Variants in MTMR7 observed in about 807,000 individuals in gnomAD.
The protein encoded by MTMR7 is myotubularin related protein 7.
MTMR7 carries 76 observed loss-of-function variants against 81.2 expected under a neutral mutation model. The ratio of observed to expected loss-of-function variants is 0.94; its 90% CI spans 0.78 to 1.13. MTMR7 has a LOEUF of 1.13. Among genes scored for constraint, MTMR7 ranks in the 50% most tolerant of loss-of-function variants. MTMR7 has a pLI of 0.00. For missense variants in MTMR7, 1,044 were observed against 820.0 expected (o/e 1.27, Z -3.34); for synonymous variants, 372 against 289.8 (o/e 1.28, Z -2.88).
intron 4 of MTMR7, among the ~76,000 whole-genome samples, chr8:17,351,050 G>A (rs1223243784): frequency 2.0e-5 from 3 of 152,200 alleles, no homozygotes; most frequent in Non-Finnish European, 2.9e-5. Flanking sequence ...AAGTCAGCCA[G>A]CTAGAAGACT....
chr8:17,308,809 A>G (rs978251732), intron 10 of MTMR7, among the ~76,000 whole-genome samples: 8 of 152,190 alleles, frequency 5.3e-5, no homozygotes, highest in Non-Finnish European at 1.0e-4. Flanking sequence ...CTGGAGTTGG[A>G]TATGTCTGGT....
At chr8:17,359,095 C>T (rs1240928455) in intron 4 of MTMR7, among the ~76,000 whole-genome samples, 1 of 151,968 alleles carries the variant, frequency 6.6e-6, no homozygotes, top group African/African-American at 2.4e-5. Context: ...TGGGGTTCTC[C>T]CTATGTTGCC....
chr8:17,303,664 C>T lies in MTMR7; in HGVS notation c.1493+715G>A, dbSNP rs1262932981. Among the ~76,000 whole-genome samples, 4 of 150,140 alleles carry T rather than the reference C, an allele frequency of 2.7e-5. No homozygotes were observed. The South Asian group carries it at 8.4e-4, about 31-fold the overall frequency. On this transcript the variant is annotated intron_variant, in intron 12 of 13. Coordinates refer to ENST00000180173, the MANE Select transcript of MTMR7 (RefSeq NM_004686.5). ...TGCTCTTGTTGCCCAGGCTGGAGTG[C>T]AATGGCACGATCTCGGCTCACCGCA...
intron 1 of MTMR7, among the ~76,000 whole-genome samples, chr8:17,385,418 C>G (rs1352087238): frequency 9.9e-5 from 15 of 152,122 alleles, no homozygotes. Flanking sequence ...GGACTGTTCT[C>G]GTGATAGTGA....
chr8:17,309,873 T>A (rs1052145402), intron 9 of MTMR7, among the ~76,000 whole-genome samples: 1 of 152,172 alleles, frequency 6.6e-6, no homozygotes, highest in African/African-American at 2.4e-5. Context: ...AAAATGATGG[T>A]GTTTGGGGTA....
At chr8:17,314,822 C>A (rs1430854208) in intron 7 of MTMR7, among the ~76,000 whole-genome samples, 4 of 152,224 alleles carry the variant, frequency 2.6e-5, no homozygotes, top group Non-Finnish European at 5.9e-5. Context: ...GGTGAAGGGA[C>A]AGCCCTTTGA....
intron 6 of MTMR7, among the ~76,000 whole-genome samples, chr8:17,335,375 T>C (rs1819204658): frequency 1.3e-5 from 2 of 152,132 alleles, no homozygotes; most frequent in Non-Finnish European, 2.9e-5. Flanking sequence ...GCCAAGACTG[T>C]GAAGAAACAG....
chr8:17,319,268 T>A (rs1362708607), intron 7 of MTMR7, among the ~76,000 whole-genome samples: 2 of 152,160 alleles, frequency 1.3e-5, no homozygotes. Flanking sequence ...TAAAAACACC[T>A]TCCTCAAACA....
intron 1 of MTMR7, among the ~76,000 whole-genome samples, chr8:17,408,057 T>C (rs556208511): frequency 6.6e-6 from 1 of 152,188 alleles, no homozygotes; most frequent in African/African-American, 2.4e-5. Flanking sequence ...TAATGGACCT[T>C]TGTATGAACC....
At chr8:17,387,850 A>AC (rs1342145958) in intron 1 of MTMR7, among the ~76,000 whole-genome samples, 9 of 152,222 alleles carry the variant, frequency 5.9e-5, no homozygotes, top group Non-Finnish European at 5.9e-5. Flanking sequence ...AGGTAAAAAA[A>AC]ATTCTTGATG....
intron 3 of MTMR7, among the ~76,000 whole-genome samples, chr8:17,363,044 G>C (rs1227341738): frequency 1.3e-5 from 2 of 152,220 alleles, no homozygotes; most frequent in Non-Finnish European, 2.9e-5. Flanking sequence ...AAAACTTAGA[G>C]TACGGACTAT....
At chr8:17,319,937 C>A (rs543714070) in intron 7 of MTMR7, among the ~76,000 whole-genome samples, 3 of 152,008 alleles carry the variant, frequency 2.0e-5, no homozygotes, top group Non-Finnish European at 4.4e-5. Flanking sequence ...CATGTGGCTA[C>A]GAAACACTTG....
intron 7 of MTMR7, among the ~76,000 whole-genome samples, chr8:17,321,851 A>C (rs1818403490): frequency 6.6e-6 from 1 of 152,336 alleles, no homozygotes; most frequent in African/African-American, 2.4e-5. Flanking sequence ...ACATATATAA[A>C]CTACAGTAAA....
rs200297751 is a variant in MTMR7 at position 17,333,686 on chromosome 8, C to CA, written c.733-2405dup. Among the ~76,000 whole-genome samples, 544 of 151,994 alleles carry CA rather than the reference C, an allele frequency of 3.6e-3. 2 individuals carry two copies. Among genetic ancestry groups the CA allele is most frequent in the African/African-American group, 0.012 (503 of 41,464 alleles). ...GCAACATGGCAAATCCCCATTTCTACAAAAAAATGCAAAAATTAGCCAGAC... is the reference window on the plus strand; with the variant it reads ...GCAACATGGCAAATCCCCATTTCTACAAAAAAAATGCAAAAATTAGCCAGAC... On this transcript the variant is annotated intron_variant, in intron 6 of 13. Coordinates refer to ENST00000180173, the MANE Select transcript of MTMR7 (RefSeq NM_004686.5).
chr8:17,327,291 C>G (rs1411121241), intron 7 of MTMR7, among the ~76,000 whole-genome samples: 1 of 152,114 alleles, frequency 6.6e-6, no homozygotes, highest in Non-Finnish European at 1.5e-5. Context: ...ATTTTTGAGA[C>G]AGAGCCTAAC....
chr8:17,306,824 A>T (rs1488382588), intron 10 of MTMR7, among the ~76,000 whole-genome samples: 1 of 152,032 alleles, frequency 6.6e-6, no homozygotes, highest in African/African-American at 2.4e-5. Flanking sequence ...AGTGTTACCT[A>T]GGCTAGCCAT....
chr8:17,376,617 T>A (rs1253723327), intron 1 of MTMR7, among the ~76,000 whole-genome samples: 2 of 152,196 alleles, frequency 1.3e-5, no homozygotes, highest in Non-Finnish European at 2.9e-5. Context: ...TCTCTTTTTT[T>A]GATTATAGTC....
chr8:17,315,091 A>G (rs577259331), intron 7 of MTMR7, among the ~76,000 whole-genome samples: 3 of 152,362 alleles, frequency 2.0e-5, no homozygotes, highest in East Asian at 1.9e-4. Context: ...TTAATCATTA[A>G]AAGTTATACA....
At chr8:17,302,018 G>T in intron 13 of MTMR7, 136 bp downstream of exon 13, 1 of 1,120,296 alleles carries the variant, frequency 8.9e-7, no homozygotes, top group East Asian at 2.4e-5. Flanking sequence ...GACCTGGATG[G>T]GGTTGTGTTT....
Sources: gnomAD v4.1 joint callset for allele counts (sites outside exome capture counted in the v4.1 genomes callset) on GRCh38, gnomAD v4.1.1 for gene constraint, MANE v1.5 for transcripts, NCBI Gene and HGNC (gene_info 2026-07-23, HGNC 2026-07-21) for gene names.